Variants in RNF121 observed in about 807,000 individuals in gnomAD.
RNF121 encodes the protein ring finger protein 121.
A neutral mutation model predicts 46.5 loss-of-function variants in RNF121; 21 were observed. That is an observed-to-expected ratio of 0.45 (90% CI 0.32 to 0.65). The LOEUF is 0.65. Ranked by LOEUF, RNF121 falls within the 30% of genes least tolerant of loss-of-function variation. The pLI, the probability that RNF121 is intolerant of heterozygous loss-of-function variation, is 0.04. For missense variants in RNF121, 346 were observed against 416.0 expected (o/e 0.83, Z 1.46); for synonymous variants, 139 against 144.7 (o/e 0.96, Z 0.28).
At chr11:71,958,935 C>T (rs1036275339) in intron 2 of RNF121, among the ~76,000 whole-genome samples, 1 of 152,182 alleles carries the variant, frequency 6.6e-6, no homozygotes, top group African/African-American at 2.4e-5. Flanking sequence ...TGTCTGAGAA[C>T]AAGAAACTTA....
In RNF121 at chr11:71,934,938, A is replaced by ACTT. The variant is rs780793577; in HGVS notation, c.63+5814_63+5815insCTT. On this transcript the variant is annotated intron_variant, in intron 1 of 8. Transcript: ENST00000361756. The stretch of plus-strand genomic sequence containing the variant: ...GTCCTGTGCCAAGTGTTCCAAATGC[A>ACTT]TTCTTTTTTTTTTTTTTTTTTTTTA... Among the ~76,000 whole-genome samples, 2 of 145,100 alleles carry ACTT rather than the reference A, an allele frequency of 1.4e-5. 1 individual carries two copies.
At chr11:71,948,473 C>T (rs1013450084) in intron 1 of RNF121, among the ~76,000 whole-genome samples, 1 of 144,200 alleles carries the variant, frequency 6.9e-6, no homozygotes, top group Non-Finnish European at 1.5e-5. Flanking sequence ...TGAGATTGCG[C>T]CACTGCACTC....
rs529507584 is a variant in RNF121, at chr11:71,966,115, G to A, written c.243+5224G>A. On this transcript the variant is annotated intron_variant, in intron 3 of 8. Coordinates refer to ENST00000361756, the MANE Select transcript of RNF121 (RefSeq NM_018320.5). ...GCTCACCACAACCTCTGCCTCCCAG[G>A]TTCAAGTGATTCTCCTGCCTCAGCA... 2.2e-4 allele frequency among the ~76,000 whole-genome samples: 34 copies of A among 152,282 alleles called. 1 individual carries two copies. In the South Asian group the frequency reaches 5.6e-3, roughly 25 times the overall value.
intron 3 of RNF121, among the ~76,000 whole-genome samples, chr11:71,961,403 A>G (rs1451883187): frequency 6.6e-6 from 1 of 152,146 alleles, no homozygotes. Flanking sequence ...TCTACAAAAA[A>G]TAGAGAAATT....
At chr11:71,981,234 T>G (rs975858300) in intron 3 of RNF121, among the ~76,000 whole-genome samples, 1 of 151,948 alleles carries the variant, frequency 6.6e-6, no homozygotes, top group African/African-American at 2.4e-5. Flanking sequence ...GTATTTTTAG[T>G]AGAGACAGGG....
chr11:71,957,328 A>G (rs1421434317), intron 2 of RNF121, 64 bp downstream of exon 2: 2 of 1,060,382 alleles, frequency 1.9e-6, no homozygotes, highest in African/African-American at 1.6e-5. Context: ...TAATTGAGTG[A>G]TATGTCTACC....
At chr11:71,955,972 T>C (rs1953981637) in intron 1 of RNF121, among the ~76,000 whole-genome samples, 1 of 152,220 alleles carries the variant, frequency 6.6e-6, no homozygotes, top group African/African-American at 2.4e-5. Context: ...AATTTATTTT[T>C]TGACTTAGCT....
At position 71,996,069 on chromosome 11, in the gene RNF121, C is replaced by T. The variant is rs1439158420; in HGVS notation, c.864-126C>T. On this transcript the variant is annotated intron_variant, in intron 8 of 8. Coordinates refer to ENST00000361756, the MANE Select transcript of RNF121 (RefSeq NM_018320.5). ...AGTGAGGCTGGGCCCTTCCAGAAAGCAGCCTCCATTCCTCTAGGCTGTGGA... is the reference window on the plus strand; with the variant it reads ...AGTGAGGCTGGGCCCTTCCAGAAAGTAGCCTCCATTCCTCTAGGCTGTGGA... The T allele has an allele frequency of 4.2e-6, 5 of 1,188,456 alleles. No individual in the cohort carries two copies. The East Asian group carries it at 1.2e-4, about 29-fold the overall frequency. The allele number at this position is 1,188,456 out of a possible 1,614,324, so 73.6% of individuals were successfully genotyped here. A position where few individuals can be genotyped will look rare whatever the true frequency, so the allele number is the denominator to read the frequency against.
chr11:71,933,658 G>A (rs1953329826), intron 1 of RNF121, among the ~76,000 whole-genome samples: 1 of 152,118 alleles, frequency 6.6e-6, no homozygotes, highest in African/African-American at 2.4e-5. Context: ...CCCTCAGCCC[G>A]CTTGTACTTT....
At chr11:71,969,317 G>T (rs1295807947) in intron 3 of RNF121, among the ~76,000 whole-genome samples, 2 of 152,052 alleles carry the variant, frequency 1.3e-5, no homozygotes, top group African/African-American at 4.8e-5. Context: ...ATAAAATAAT[G>T]CATATGACAT....
chr11:71,961,570 GAA>G (rs1181191837), intron 3 of RNF121, among the ~76,000 whole-genome samples: 1 of 151,784 alleles, frequency 6.6e-6, no homozygotes, highest in African/African-American at 2.4e-5. Context: ...TCAAAAAAAA[GAA>G]AAAGAAAAAA....
chr11:71,996,011 G>A (rs974063144), intron 8 of RNF121, among the ~76,000 whole-genome samples, 184 bp from the exon 9 acceptor site: 1 of 152,186 alleles, frequency 6.6e-6, no homozygotes, highest in African/African-American at 2.4e-5. Flanking sequence ...AGAGGAGGGG[G>A]AGGGCAAAGT....
chr11:71,988,252 A>G (rs1466615821), intron 5 of RNF121, among the ~76,000 whole-genome samples: 1 of 152,202 alleles, frequency 6.6e-6, no homozygotes, highest in Middle Eastern at 3.2e-3. Context: ...TCAGATGCCA[A>G]GAAATCCTGA....
intron 2 of RNF121, among the ~76,000 whole-genome samples, chr11:71,959,949 T>C (rs1193341920): frequency 6.6e-6 from 1 of 152,206 alleles, no homozygotes; most frequent in Non-Finnish European, 1.5e-5. Flanking sequence ...AATTCCTTTC[T>C]CATTCCTCTC....
At chr11:71,959,875 A>T (rs925610029) in intron 2 of RNF121, among the ~76,000 whole-genome samples, 5 of 152,118 alleles carry the variant, frequency 3.3e-5, no homozygotes, top group African/African-American at 1.2e-4. Flanking sequence ...ACCTCACGTG[A>T]TCCTCCGGCC....
At chr11:71,971,861 T>C (rs1954428191) in intron 3 of RNF121, among the ~76,000 whole-genome samples, 2 of 152,202 alleles carry the variant, frequency 1.3e-5, no homozygotes, top group South Asian at 2.1e-4. Context: ...GATAGCAGCA[T>C]GGCATTGCTG....
At chr11:71,951,596 C>T (rs1953883326) in intron 1 of RNF121, among the ~76,000 whole-genome samples, 1 of 149,808 alleles carries the variant, frequency 6.7e-6, no homozygotes, top group Admixed American at 6.7e-5. Flanking sequence ...TGTGAATAGC[C>T]ACTGTACTCC....
At chr11:71,950,013 G>A (rs1200288912) in intron 1 of RNF121, among the ~76,000 whole-genome samples, 2 of 148,358 alleles carry the variant, frequency 1.3e-5, no homozygotes, top group African/African-American at 5.1e-5. Flanking sequence ...AAACAAAACA[G>A]AACACACACA....
chr11:71,943,387 G>A (rs1301841293), intron 1 of RNF121, among the ~76,000 whole-genome samples: 1 of 152,186 alleles, frequency 6.6e-6, no homozygotes, highest in East Asian at 1.9e-4. Flanking sequence ...CGTTGTTCTG[G>A]GACTCTGAAG....
Sources: gnomAD v4.1 joint callset for allele counts (sites outside exome capture counted in the v4.1 genomes callset) on GRCh38, gnomAD v4.1.1 for gene constraint, MANE v1.5 for transcripts, NCBI Gene and HGNC (gene_info 2026-07-23, HGNC 2026-07-21) for gene names.